The following KLHL4 variants were observed in gnomAD, a reference collection of about 807,000 sequenced individuals.
KLHL4 encodes the protein kelch like family member 4.
KLHL4 carries 17 observed loss-of-function variants against 45.8 expected under a neutral mutation model. The observed-to-expected ratio is 0.37, with a 90% CI of 0.25 to 0.56. KLHL4 has a LOEUF of 0.56. Ranked by LOEUF, KLHL4 falls within the 20% of genes least tolerant of loss-of-function variation. The probability of loss-of-function intolerance (pLI) is 0.79; values close to 1 mark genes in which losing one functional copy is unlikely to be tolerated. For missense variants in KLHL4, 544 were observed against 544.9 expected (o/e 1.00, Z 0.02); for synonymous variants, 224 against 189.9 (o/e 1.18, Z -1.47).
chrX:87,667,296 C>T lies in KLHL4; in HGVS notation c.*762C>T. 1.4e-6 allele frequency: 1 copy of T among 717,538 alleles called. No individual in the cohort carries two copies. 59.1% of individuals were successfully genotyped at this position (717,538 alleles called of 1,213,427 possible). ...ATAATGAATATTTATCATATTGATA[C>T]AAACTGTGACCTCAGCTTCAGAGTG... On this transcript the variant is annotated 3_prime_UTR_variant, in exon 11 of 11. Transcript: ENST00000373119.
chrX:87,538,763 A>G (rs1354323775), intron 1 of KLHL4, among the ~76,000 whole-genome samples: 1 of 110,975 alleles, frequency 9.0e-6, no homozygotes, highest in South Asian at 3.8e-4. Flanking sequence ...TTCATTTTCA[A>G]TCCTTCACCT....
At chrX:87,646,298 T>C (rs1923630402) in intron 9 of KLHL4, among the ~76,000 whole-genome samples, 1 of 111,605 alleles carries the variant, frequency 9.0e-6, no homozygotes. Context: ...AGAATCAGTA[T>C]TGTGATCATG....
chrX:87,527,910 G>T (rs190552239), intron 1 of KLHL4, among the ~76,000 whole-genome samples: 1 of 108,441 alleles, frequency 9.2e-6, no homozygotes, highest in Admixed American at 9.9e-5. Flanking sequence ...TACATACAAA[G>T]AAACATGATA....
intron 10 of KLHL4, among the ~76,000 whole-genome samples, chrX:87,665,328 C>A (rs765392921): frequency 2.2e-4 from 25 of 111,978 alleles, no homozygotes; most frequent in Non-Finnish European, 3.4e-4. Flanking sequence ...AGGGCAGCAT[C>A]TTCTTCCGCA....
chrX:87,570,745 A>G (rs767791141), intron 1 of KLHL4, among the ~76,000 whole-genome samples: 26 of 111,092 alleles, frequency 2.3e-4, no homozygotes, highest in African/African-American at 8.5e-4. Flanking sequence ...CAATGGAGTG[A>G]CTAGACTTAT....
intron 8 of KLHL4, 60 bp from the exon 9 acceptor site, chrX:87,635,503 T>C (rs1433938761): frequency 8.2e-5 from 73 of 890,394 alleles, no homozygotes; most frequent in Non-Finnish European, 1.1e-4. Context: ...TATGCATGCA[T>C]TTTGTGTGTA....
intron 1 of KLHL4, among the ~76,000 whole-genome samples, chrX:87,565,806 T>C (rs1932199005): frequency 9.2e-6 from 1 of 109,172 alleles, no homozygotes; most frequent in Non-Finnish European, 1.9e-5. Context: ...ACATTTTAGG[T>C]ATCCTAGATG....
intron 9 of KLHL4, among the ~76,000 whole-genome samples, chrX:87,653,395 C>T (rs766192145): frequency 2.7e-5 from 3 of 111,781 alleles, no homozygotes; most frequent in Non-Finnish European, 3.8e-5. Context: ...CATCACTTAT[C>T]GTTAGATAAA....
chrX:87,594,970 A>AG (rs1038534221), intron 1 of KLHL4, among the ~76,000 whole-genome samples: 2 of 110,128 alleles, frequency 1.8e-5, no homozygotes, highest in African/African-American at 6.6e-5. Context: ...GCTTTGTTCC[A>AG]GGGGGTAGTA....
intron 3 of KLHL4, among the ~76,000 whole-genome samples, chrX:87,614,866 C>T (rs1467718115): frequency 1.8e-5 from 2 of 110,797 alleles, no homozygotes; most frequent in African/African-American, 6.5e-5. Context: ...CACAAACATA[C>T]AGGAACAATT....
intron 1 of KLHL4, among the ~76,000 whole-genome samples, chrX:87,524,444 C>A (rs1931069743): frequency 9.0e-6 from 1 of 111,518 alleles, no homozygotes; most frequent in African/African-American, 3.3e-5. Context: ...AGTATGTACA[C>A]TTAGTGTGAT....
At chrX:87,654,090 C>A (rs1349324569) in intron 9 of KLHL4, among the ~76,000 whole-genome samples, 4 of 110,838 alleles carry the variant, frequency 3.6e-5, no homozygotes, top group Non-Finnish European at 7.5e-5. Flanking sequence ...ACAACTTTAC[C>A]TATGTAACAA....
intron 1 of KLHL4, among the ~76,000 whole-genome samples, chrX:87,581,866 G>A (rs1921293003): frequency 8.9e-6 from 1 of 111,985 alleles, no homozygotes; most frequent in South Asian, 3.7e-4. Context: ...TGAGATGGCT[G>A]AAATGACAGA....
chrX:87,575,148 A>T (rs1266412456), intron 1 of KLHL4, among the ~76,000 whole-genome samples: 8 of 112,074 alleles, frequency 7.1e-5, no homozygotes, highest in Non-Finnish European at 1.5e-4. Context: ...CTTTACTAGA[A>T]GTTTCCTGAT....
chrX:87,582,849 A>T (rs1162199227), intron 1 of KLHL4, among the ~76,000 whole-genome samples: 2 of 112,003 alleles, frequency 1.8e-5, no homozygotes, highest in Non-Finnish European at 3.8e-5. Flanking sequence ...GAGCGGAAGA[A>T]CAAAGCTTCC....
chrX:87,613,123 C>T (rs760328946), intron 1 of KLHL4, among the ~76,000 whole-genome samples: 3 of 111,539 alleles, frequency 2.7e-5, no homozygotes, highest in South Asian at 3.8e-4. Context: ...TAAAACTAAT[C>T]CTAACTGGTG....
At chrX:87,523,833 G>A (rs1931052870) in intron 1 of KLHL4, among the ~76,000 whole-genome samples, 1 of 110,556 alleles carries the variant, frequency 9.0e-6, no homozygotes, top group Non-Finnish European at 1.9e-5. Context: ...CGTGGTGGCA[G>A]GCACCTGTAA....
At chrX:87,568,626 G>A (rs914743714) in intron 1 of KLHL4, among the ~76,000 whole-genome samples, 1 of 110,402 alleles carries the variant, frequency 9.1e-6, no homozygotes, top group Non-Finnish European at 1.9e-5. Context: ...TCAAATATGT[G>A]TAGTACTTTC....
Position 87,668,185 on chromosome X carries a change from G to GA in KLHL4, c.*1654dup, listed in dbSNP as rs1924435825. On this transcript the variant is annotated 3_prime_UTR_variant, in exon 11 of 11. Coordinates refer to ENST00000373119, the MANE Select transcript of KLHL4 (RefSeq NM_019117.5). Reference sequence around the variant, plus strand: ...AGGTCTTTTGAATTCACACCTTATTGAAATCAGTGTAGAAGTAGAGTTACC... The same window carrying GA: ...AGGTCTTTTGAATTCACACCTTATTGAAAATCAGTGTAGAAGTAGAGTTACC... 1.3e-6 allele frequency: 1 copy of GA among 750,321 alleles called. No individual in the cohort carries two copies. The highest frequency in any genetic ancestry group is 2.3e-5 in the African/African-American group (1 of 43,183). 61.8% of individuals were successfully genotyped at this position (750,321 alleles called of 1,213,427 possible). A position where few individuals can be genotyped will look rare whatever the true frequency, so the allele number is the denominator to read the frequency against.
Sources: allele counts gnomAD v4.1 joint callset (sites outside exome capture counted in the v4.1 genomes callset), GRCh38; gene constraint gnomAD v4.1.1; transcripts MANE v1.5; gene names NCBI Gene and HGNC (gene_info 2026-07-23, HGNC 2026-07-21).